Variants in HSPG2 observed in about 807,000 individuals in gnomAD.
The protein encoded by HSPG2 is basement membrane-specific heparan sulfate proteoglycan core protein.
A neutral mutation model predicts 526.6 loss-of-function variants in HSPG2; 278 were observed. That is an observed-to-expected ratio of 0.53 (90% CI 0.48 to 0.58). The LOEUF is 0.58. Among genes scored for constraint, HSPG2 ranks in the 20% least tolerant of loss-of-function variants. HSPG2 has a pLI of 0.00. For synonymous variants in HSPG2, 2,465 were observed against 2,555.4 expected (o/e 0.96, Z 1.07); for missense variants, 5,354 against 6,099.5 (o/e 0.88, Z 4.07).
Position 21,879,138 on chromosome 1 carries a change from G to T in HSPG2, c.2344-17C>A, listed in dbSNP as rs774008212. On this transcript the variant is annotated splice_polypyrimidine_tract_variant and intron_variant, in intron 17 of 96. Transcript: ENST00000374695. ...CTGGCAATTCTAGAAGAAGGAGGAGGGTATGGCTCAACTTCTAGAGCAGAA... is the reference window on the plus strand; with the variant it reads ...CTGGCAATTCTAGAAGAAGGAGGAGTGTATGGCTCAACTTCTAGAGCAGAA... 6.2e-7 allele frequency: 1 copy of T among 1,614,094 alleles called. No individual in the cohort carries two copies. The highest frequency in any genetic ancestry group is 1.1e-5 in the South Asian group (1 of 91,074).
chr1:21,871,426 A>G (rs1026845608), intron 33 of HSPG2, among the ~76,000 whole-genome samples: 25 of 151,796 alleles, frequency 1.6e-4, no homozygotes, highest in Non-Finnish European at 3.5e-4. Context: ...ACGCCCAGCT[A>G]ATTTTTTGTA....
intron 33 of HSPG2, among the ~76,000 whole-genome samples, chr1:21,867,559 G>C (rs889182699): frequency 6.6e-6 from 1 of 152,156 alleles, no homozygotes; most frequent in African/African-American, 2.4e-5. Flanking sequence ...TGAGGATTAA[G>C]TAATATAGGA....
At position 21,887,508 on chromosome 1, in the gene HSPG2, G is replaced by A. The variant is rs1012486747; in HGVS notation, c.870C>T (p.Ala290=). The A allele has an allele frequency of 9.3e-6, 15 of 1,613,890 alleles. No homozygotes were observed. The highest frequency in any genetic ancestry group is 1.3e-5 in the African/African-American group (1 of 74,920). Residue 290 remains alanine, a synonymous_variant, in exon 8 of 97, where the codon GCC becomes GCT. Coordinates refer to ENST00000374695, the MANE Select transcript of HSPG2 (RefSeq NM_005529.7). The surrounding 1 kb of genome is among the most constrained non-coding windows in gnomAD (Gnocchi z 5.0). ...GGATGCAGTGCCCATTGCGGCATGC[G>A]GCCTCCTGGGGCCCACAGGGCAGGG... ...VRPLPCGPQE[A]ACRNGHCIPR... is the part of the protein sequence containing the mutation.
intron 39 of HSPG2, among the ~76,000 whole-genome samples, chr1:21,860,903 GGAAA>G: frequency 6.6e-6 from 1 of 152,214 alleles, no homozygotes; most frequent in African/African-American, 2.4e-5. Context: ...AACCCAACAT[GGAAA>G]TTCTACATGA....
intron 1 of HSPG2, among the ~76,000 whole-genome samples, chr1:21,913,696 AAGG>A (rs1434914490): frequency 2.6e-5 from 4 of 152,228 alleles, no homozygotes; most frequent in Admixed American, 6.5e-5. Context: ...GGGCACAGGG[AAGG>A]AGGAGAAGGC....
chr1:21,864,945 T>G lies in HSPG2; in HGVS notation c.4524A>C (p.Ala1508=), dbSNP rs776225686. The G allele has an allele frequency of 2.6e-5, 41 of 1,605,756 alleles. No homozygotes were observed. The highest frequency in any genetic ancestry group is 3.2e-5 in the Non-Finnish European group (38 of 1,177,762). The part of the protein sequence containing the change: ...SSVPLAASIS[A]VSLEVAQPGP... ...CCGGCTGGGCGACCTCCAGGCTGAC[T>G]GCGCTGATGCTGGCCGCCAGCGGCA... The change falls in exon 36 of 97, where the codon GCA becomes GCC. Residue 1508 remains alanine, a synonymous_variant. Coordinates refer to ENST00000374695, the MANE Select transcript of HSPG2 (RefSeq NM_005529.7). This position sits in a 1 kb window ranked among gnomAD's most constrained non-coding sequence, Gnocchi z 4.8.
intron 91 of HSPG2, among the ~76,000 whole-genome samples, chr1:21,825,431 G>A (rs1156715786): frequency 1.3e-5 from 2 of 152,238 alleles, no homozygotes; most frequent in Non-Finnish European, 2.9e-5. Context: ...ACCTTGGACT[G>A]TGGCAATAAA....
Position 21,862,119 on chromosome 1 carries a change from C to A in HSPG2, c.4741-4G>T. On this transcript the variant is annotated splice_polypyrimidine_tract_variant and splice_region_variant and intron_variant, in intron 37 of 96. Coordinates refer to ENST00000374695, the MANE Select transcript of HSPG2 (RefSeq NM_005529.7). ...CTGCGGCGTTGTGCTGGCATTGCTG[C>A]AGGGCACAAGGAGGGCAGGCACCAG... The A allele has an allele frequency of 6.2e-7, 1 of 1,612,036 alleles. No homozygotes were observed. Among genetic ancestry groups the A allele is most frequent in the Non-Finnish European group, 8.5e-7 (1 of 1,180,014 alleles).
At chr1:21,894,524 G>T (rs1642607113) in intron 3 of HSPG2, among the ~76,000 whole-genome samples, 1 of 152,136 alleles carries the variant, frequency 6.6e-6, no homozygotes, top group Non-Finnish European at 1.5e-5. Flanking sequence ...GTTCCCACTT[G>T]CGAGGAAAGG....
At chr1:21,927,733 T>A (rs753308757) in intron 1 of HSPG2, among the ~76,000 whole-genome samples, 7 of 152,046 alleles carry the variant, frequency 4.6e-5, no homozygotes, top group Non-Finnish European at 8.8e-5. Context: ...GAAGGAGCAA[T>A]CAGGGTGGAA....
Position 21,852,133 on chromosome 1 carries a change from C to T in HSPG2, c.6825G>A (p.Gln2275=), listed in dbSNP as rs1475843113. The change falls in exon 53 of 97, where the codon CAG becomes CAA. Residue 2275 remains glutamine, a synonymous_variant. Transcript: ENST00000374695. ...SCVVAGQAHA[Q]VTWYKRGGSL... is the part of the protein sequence containing the mutation. ...TGCCCCCACGCTTGTACCATGTGAC[C>T]TGGGCGTGGGCCTGCCCTGCCACCA... The T allele has an allele frequency of 1.2e-6, 2 of 1,613,766 alleles. No individual in the cohort carries two copies. The highest frequency in any genetic ancestry group is 8.5e-7 in the Non-Finnish European group (1 of 1,180,056).
At chr1:21,928,398 T>C (rs1644261303) in intron 1 of HSPG2, among the ~76,000 whole-genome samples, 1 of 152,276 alleles carries the variant, frequency 6.6e-6, no homozygotes, top group Non-Finnish European at 1.5e-5. Flanking sequence ...CTTCTTGGCC[T>C]GCTGGCTTCC....
In HSPG2 at chr1:21,890,497, C is replaced by T. The variant is rs777720192; in HGVS notation, c.355-12G>A. 1 of 1,613,952 alleles carries T rather than the reference C, an allele frequency of 6.2e-7. No individual in the cohort carries two copies. On this transcript the variant is annotated splice_polypyrimidine_tract_variant and intron_variant, in intron 4 of 96. Transcript: ENST00000374695. This position sits in a 1 kb window ranked among gnomAD's most constrained non-coding sequence, Gnocchi z 4.1. ...TACTCCGACTCCAGCTGGGGAGGGA[C>T]ACAGTGCCATCAGCCCCAGAGGCCT...
chr1:21,827,373 G>C (rs949650983), intron 91 of HSPG2, among the ~76,000 whole-genome samples: 1 of 152,102 alleles, frequency 6.6e-6, no homozygotes, highest in Non-Finnish European at 1.5e-5. Context: ...ACCCAAGCAG[G>C]CTGGCTCCAA....
intron 1 of HSPG2, among the ~76,000 whole-genome samples, chr1:21,897,713 T>C (rs1413741122): frequency 6.6e-6 from 1 of 152,194 alleles, no homozygotes; most frequent in Admixed American, 6.5e-5. Context: ...GTCTAATCCA[T>C]AGTGACAGAA....
At chr1:21,894,237 G>A (rs368053700) in intron 3 of HSPG2, among the ~76,000 whole-genome samples, 3 of 152,068 alleles carry the variant, frequency 2.0e-5, no homozygotes, top group Non-Finnish European at 4.4e-5. Context: ...GCCATGCCCA[G>A]GGGGAGGAGG....
In HSPG2 at chr1:21,847,533, G is replaced by A. The variant is rs1459047475; in HGVS notation, c.8026-41C>T. The A allele has an allele frequency of 6.2e-7, 1 of 1,612,734 alleles. No individual in the cohort carries two copies. Among genetic ancestry groups the A allele is most frequent in the South Asian group, 1.1e-5 (1 of 91,040 alleles). ...GGGAAGGAGAGGGAGAGGGAGTGGA[G>A]GGACGCTGGGGTCACCAGCTGGCTC... On this transcript the variant is annotated intron_variant, in intron 61 of 96. Coordinates refer to ENST00000374695, the MANE Select transcript of HSPG2 (RefSeq NM_005529.7). This position sits in a 1 kb window ranked among gnomAD's most constrained non-coding sequence, Gnocchi z 4.1.
chr1:21,856,654 T>C (rs924294767), intron 44 of HSPG2, among the ~76,000 whole-genome samples: 1 of 152,146 alleles, frequency 6.6e-6, no homozygotes, highest in African/African-American at 2.4e-5. Flanking sequence ...TGACCTCAAG[T>C]GATCCACCTG....
At chr1:21,829,755 G>GC (rs1313587135) in intron 86 of HSPG2, 151 bp from the exon 87 acceptor site, 3 of 734,818 alleles carry the variant, frequency 4.1e-6, no homozygotes, top group East Asian at 2.7e-5. Flanking sequence ...TGGCACAGGA[G>GC]CCCCCCTGCC....
Sources: gnomAD v4.1 joint callset for allele counts (sites outside exome capture counted in the v4.1 genomes callset) on GRCh38, gnomAD v4.1.1 for gene constraint, Gnocchi (gnomAD v3.1) non-coding constraint, MANE v1.5 for transcripts, NCBI Gene and HGNC (gene_info 2026-07-23, HGNC 2026-07-21) for gene names.